Variants in COG5 observed in about 807,000 individuals in gnomAD.
The protein encoded by COG5 is component of oligomeric golgi complex 5.
A neutral mutation model predicts 110.4 loss-of-function variants in COG5; 86 were observed. That is an observed-to-expected ratio of 0.78 (90% confidence interval 0.65 to 0.93). The LOEUF is 0.93. Among genes scored for constraint, COG5 ranks in the 40% least tolerant of loss-of-function variants. The pLI is 0.00. For synonymous variants in COG5, 360 were observed against 334.6 expected, an observed-to-expected ratio of 1.08 and a Z score of -0.83; for missense variants, 1,077 against 987.0, an observed-to-expected ratio of 1.09 and a Z score of -1.22.
intron 6 of COG5, among the ~76,000 whole-genome samples, chr7:107,453,962 A>T (rs1012164616): frequency 6.9e-6 from 1 of 145,714 alleles, no homozygotes; most frequent in African/African-American, 2.5e-5. Context: ...GAAATATCCA[A>T]ATCAAAACAA....
chr7:107,482,245 C>T (rs770657712), intron 6 of COG5, among the ~76,000 whole-genome samples: 17 of 151,590 alleles, frequency 1.1e-4, no homozygotes, highest in Non-Finnish European at 2.1e-4. Flanking sequence ...GAGGCTCAAG[C>T]GATTCTCACA....
chr7:107,252,216 AG>A (rs2116581835), intron 16 of COG5, among the ~76,000 whole-genome samples: 1 of 152,282 alleles, frequency 6.6e-6, no homozygotes, highest in Non-Finnish European at 1.5e-5. Context: ...TGGGCAGCAC[AG>A]TGGAACCCTG....
At chr7:107,230,766 G>C in intron 18 of COG5, 75 bp from the exon 19 acceptor site, 1 of 1,156,640 alleles carries the variant, frequency 8.6e-7, no homozygotes, top group African/African-American at 1.5e-5. Flanking sequence ...CCGGATCACA[G>C]AAAGTTGTAG....
chr7:107,207,115 T>G (rs565260042), intron 21 of COG5, among the ~76,000 whole-genome samples: 1 of 152,284 alleles, frequency 6.6e-6, no homozygotes, highest in East Asian at 1.9e-4. Context: ...ATTTAAATAT[T>G]CAATGTGATT....
intron 19 of COG5, among the ~76,000 whole-genome samples, chr7:107,219,812 C>T (rs1443933042): frequency 1.3e-5 from 2 of 152,110 alleles, no homozygotes; most frequent in Admixed American, 6.5e-5. Context: ...TTCAAAATTG[C>T]TAATAGAATA....
At chr7:107,518,688 C>A (rs942210898) in intron 6 of COG5, among the ~76,000 whole-genome samples, 3 of 152,072 alleles carry the variant, frequency 2.0e-5, no homozygotes, top group Non-Finnish European at 4.4e-5. Flanking sequence ...CAAAGAGACT[C>A]AGACTCCCAC....
At chr7:107,430,973 G>A (rs544201365) in intron 6 of COG5, among the ~76,000 whole-genome samples, 1 of 152,026 alleles carries the variant, frequency 6.6e-6, no homozygotes, top group African/African-American at 2.4e-5. Flanking sequence ...ATTAACCAAG[G>A]GAAGTGGACA....
chr7:107,258,104 G>C (rs1305578388), intron 15 of COG5, among the ~76,000 whole-genome samples, 169 bp downstream of exon 15: 1 of 152,034 alleles, frequency 6.6e-6, no homozygotes, highest in Non-Finnish European at 1.5e-5. Context: ...AAACAACGAA[G>C]GCCAGAGTCA....
chr7:107,215,685 A>AAACC (rs572568578), intron 19 of COG5, among the ~76,000 whole-genome samples: 2 of 151,884 alleles, frequency 1.3e-5, no homozygotes, highest in African/African-American at 4.8e-5. Flanking sequence ...ACAAACAAAC[A>AAACC]AACCCAGCTA....
chr7:107,244,583 TA>T (rs1265359362), intron 17 of COG5, among the ~76,000 whole-genome samples: 1 of 151,270 alleles, frequency 6.6e-6, no homozygotes, highest in African/African-American at 2.4e-5. Context: ...GCTAGACTAA[TA>T]AAGAAGAGAG....
In COG5 at chr7:107,203,455, G is replaced by GT. The variant is rs1798506349; in HGVS notation, c.*60dup. On this transcript the variant is annotated 3_prime_UTR_variant, in exon 22 of 22. Transcript: ENST00000297135. Reference sequence around the variant, plus strand: ...ATAGTAGCAGTCTTTTGGAGTATGTGTTTAACTGCCAACTATGAATGGGTT... The same window carrying GT: ...ATAGTAGCAGTCTTTTGGAGTATGTGTTTTAACTGCCAACTATGAATGGGTT... 2.7e-6 allele frequency: 3 copies of GT among 1,112,472 alleles called. No homozygotes were observed. The highest frequency in any genetic ancestry group is 4.2e-6 in the Non-Finnish European group (3 of 722,742). 68.9% of individuals were successfully genotyped at this position (1,112,472 alleles called of 1,614,324 possible).
At chr7:107,280,306 T>C (rs1382109247) in intron 14 of COG5, among the ~76,000 whole-genome samples, 1 of 152,038 alleles carries the variant, frequency 6.6e-6, no homozygotes, top group Non-Finnish European at 1.5e-5. Context: ...AATAGTACCA[T>C]ATTTGCAAAC....
At chr7:107,241,608 C>T (rs906265086) in intron 17 of COG5, among the ~76,000 whole-genome samples, 9 of 151,740 alleles carry the variant, frequency 5.9e-5, no homozygotes, top group African/African-American at 1.9e-4. Flanking sequence ...CCCGCCACCA[C>T]GCCTGGCTAA....
intron 6 of COG5, among the ~76,000 whole-genome samples, chr7:107,496,164 G>T (rs541441501): frequency 1.3e-5 from 2 of 152,056 alleles, no homozygotes; most frequent in East Asian, 3.9e-4. Context: ...TCCTAACTCA[G>T]TCTATGAGGG....
chr7:107,256,703 C>T (rs1342319284), intron 16 of COG5, 29 bp downstream of exon 16: 1 of 1,520,360 alleles, frequency 6.6e-7, no homozygotes, highest in Non-Finnish European at 9.1e-7. Context: ...CCACTTTGAT[C>T]TATAGAGTCA....
intron 6 of COG5, among the ~76,000 whole-genome samples, chr7:107,450,812 C>A (rs933619858): frequency 6.6e-6 from 1 of 152,152 alleles, no homozygotes; most frequent in Admixed American, 6.5e-5. Context: ...TTCTTAATTG[C>A]GTCCACTGTT....
chr7:107,391,339 C>A (rs1375106301), intron 7 of COG5, among the ~76,000 whole-genome samples: 1 of 152,032 alleles, frequency 6.6e-6, no homozygotes, highest in Non-Finnish European at 1.5e-5. Flanking sequence ...GCGGGAGGGA[C>A]CCCTGCAGAG....
intron 11 of COG5, among the ~76,000 whole-genome samples, chr7:107,319,056 C>A (rs141296516): frequency 6.0e-5 from 9 of 151,242 alleles, no homozygotes; most frequent in African/African-American, 2.2e-4. Flanking sequence ...CTTGGTCCTT[C>A]ATTCTGAATT....
intron 6 of COG5, among the ~76,000 whole-genome samples, chr7:107,513,365 T>C (rs899475124): frequency 6.6e-6 from 1 of 151,916 alleles, no homozygotes; most frequent in Non-Finnish European, 1.5e-5. Context: ...CTCACACCAG[T>C]TAGAATGGCG....
Sources: allele counts gnomAD v4.1 joint callset (sites outside exome capture counted in the v4.1 genomes callset), GRCh38; gene constraint gnomAD v4.1.1; transcripts MANE v1.5; gene names NCBI Gene and HGNC (gene_info 2026-07-23, HGNC 2026-07-21).